CHODL: variants seen among roughly 807,000 people sequenced by gnomAD.
CHODL encodes the protein chondrolectin.
In CHODL, 29 loss-of-function variants were observed where a neutral mutation model predicts 34.5. The observed-to-expected ratio is 0.84, with a 90% CI of 0.63 to 1.15. The LOEUF is 1.15. Among genes scored for constraint, CHODL ranks in the 50% most tolerant of loss-of-function variants. The probability of loss-of-function intolerance (pLI) is 0.00; values close to 1 mark genes in which losing one functional copy is unlikely to be tolerated. For missense variants in CHODL, 332 were observed against 332.5 expected (o/e 1.00, Z 0.01); for synonymous variants, 125 against 116.1 (o/e 1.08, Z -0.49).
At chr21:18,066,488 A>G (rs1252053647) in intron 2 of CHODL, among the ~76,000 whole-genome samples, 1 of 152,228 alleles carries the variant, frequency 6.6e-6, no homozygotes, top group Non-Finnish European at 1.5e-5. Context: ...TGCATGAATA[A>G]GAGATCTTAT....
chr21:17,949,885 C>T (rs1165639792), intron 1 of CHODL, among the ~76,000 whole-genome samples: 1 of 152,008 alleles, frequency 6.6e-6, no homozygotes, highest in East Asian at 1.9e-4. Context: ...TGGAATATTT[C>T]CAGATAACAA....
At chr21:18,248,088 A>G (rs2074165921) in intron 1 of CHODL, among the ~76,000 whole-genome samples, 1 of 151,654 alleles carries the variant, frequency 6.6e-6, no homozygotes, top group Admixed American at 6.6e-5. Context: ...TGACATTAGG[A>G]ATATTTCATG....
intron 2 of CHODL, among the ~76,000 whole-genome samples, chr21:18,145,158 CG>C (rs1303669784): frequency 1.3e-5 from 2 of 150,892 alleles, no homozygotes; most frequent in Non-Finnish European, 3.0e-5. Context: ...GCATTTGGGC[CG>C]GGCGCGGTGG....
At position 18,265,308 on chromosome 21, in the gene CHODL, C is replaced by CATAT. The variant is rs1335747079; in HGVS notation, c.738-645_738-644insTATA. On this transcript the variant is annotated intron_variant, in intron 5 of 5. Coordinates refer to ENST00000299295, the MANE Select transcript of CHODL (RefSeq NM_024944.3). ...ATATATACACACACACACACACACA[C>CATAT]ACATATATATATATGATGGAATACT... Among the ~76,000 whole-genome samples the CATAT allele has an allele frequency of 1.6e-3, 203 of 123,370 alleles. 1 individual carries two copies. The highest frequency in any genetic ancestry group is 6.9e-3 in the African/African-American group (187 of 27,168). 80.9% of individuals were successfully genotyped at this position (123,370 alleles called of 152,430 possible).
chr21:18,111,806 C>T (rs1032299854), intron 2 of CHODL, among the ~76,000 whole-genome samples: 1 of 152,148 alleles, frequency 6.6e-6, no homozygotes, highest in Non-Finnish European at 1.5e-5. Flanking sequence ...TATATCTTAG[C>T]TTAGCCTATT....
At chr21:18,124,581 G>C (rs2146582621) in intron 2 of CHODL, among the ~76,000 whole-genome samples, 1 of 152,240 alleles carries the variant, frequency 6.6e-6, no homozygotes, top group Admixed American at 6.5e-5. Flanking sequence ...GACAATAGTA[G>C]GTTAAAATTT....
At chr21:18,153,748 T>TTA (rs60907444) in intron 2 of CHODL, among the ~76,000 whole-genome samples, 11 of 151,986 alleles carry the variant, frequency 7.2e-5, no homozygotes, top group African/African-American at 9.7e-5. Flanking sequence ...GGACTATGTT[T>TTA]TATATATATA....
At chr21:18,243,547 A>ATT (rs113607712), upstream of CHODL, among the ~76,000 whole-genome samples, 9,022 of 144,452 alleles carry the variant, frequency 0.062, 380 homozygotes, top group African/African-American at 0.12. Context: ...TTAGAATTCT[A>ATT]TTTTTTTTTT....
At position 18,256,869 on chromosome 21, in the gene CHODL, T is replaced by C. The variant is rs571397002; in HGVS notation, c.389+51T>C. On this transcript the variant is annotated intron_variant, in intron 2 of 5. Transcript: ENST00000299295. ...CAGGTGCTCTGGGGAACTCCAAAGA[T>C]AGAGGGAGGACTCTGTTACCTGTAG... is the stretch of plus-strand genomic sequence containing the variant. 5 of 1,587,390 alleles carry C rather than the reference T, an allele frequency of 3.1e-6. No individual in the cohort carries two copies. In the African/African-American group the frequency reaches 6.7e-5, roughly 21 times the overall value.
chr21:18,180,485 A>G (rs2073369054), intron 2 of CHODL, among the ~76,000 whole-genome samples: 1 of 152,194 alleles, frequency 6.6e-6, no homozygotes, highest in African/African-American at 2.4e-5. Flanking sequence ...ACTTTGAGAA[A>G]CTGCATGTTT....
Position 18,266,033 on chromosome 21 carries a change from G to T in CHODL, c.817G>T (p.Val273Leu), listed in dbSNP as rs763303055. ...TACCAGAAAAGAAAGTGGCATGGAAGTATAATAACTCATTGACTTGGTTCC... is the reference window on the plus strand; with the variant it reads ...TACCAGAAAAGAAAGTGGCATGGAATTATAATAACTCATTGACTTGGTTCC... ...KSTRKESGME[V>L] The change falls in exon 6 of 6, where the codon GTA becomes TTA. Residue 273 changes from valine (V) to leucine (L), a missense_variant. Val to Leu is a conservative substitution (Grantham distance 32). Transcript: ENST00000299295. 10 of 1,613,490 alleles carry T rather than the reference G, an allele frequency of 6.2e-6. No homozygotes were observed. The Admixed American group carries it at 6.7e-5, about 11-fold the overall frequency.
chr21:18,085,356 A>G (rs2064993432), intron 2 of CHODL, among the ~76,000 whole-genome samples: 1 of 151,678 alleles, frequency 6.6e-6, no homozygotes, highest in Non-Finnish European at 1.5e-5. Flanking sequence ...TTATAAATTC[A>G]TTTCTTTTTT....
intron 2 of CHODL, among the ~76,000 whole-genome samples, chr21:18,183,483 T>G (rs1373658719): frequency 6.6e-6 from 1 of 152,232 alleles, no homozygotes; most frequent in Non-Finnish European, 1.5e-5. Flanking sequence ...CTTGAGAAGC[T>G]GAATCTCAAA....
intron 1 of CHODL, among the ~76,000 whole-genome samples, chr21:17,988,914 A>G (rs532700008): frequency 9.9e-5 from 15 of 152,226 alleles, no homozygotes; most frequent in African/African-American, 3.1e-4. Flanking sequence ...GTATATACCC[A>G]GTAATGGGAT....
intron 1 of CHODL, among the ~76,000 whole-genome samples, chr21:17,975,262 C>A (rs1349296695): frequency 2.0e-5 from 3 of 152,000 alleles, no homozygotes; most frequent in African/African-American, 7.2e-5. Flanking sequence ...GAGCTAAACA[C>A]TGAGTACATA....
At chr21:17,985,236 T>TCTCG (rs1245277129) in intron 1 of CHODL, among the ~76,000 whole-genome samples, 1 of 152,190 alleles carries the variant, frequency 6.6e-6, no homozygotes, top group Non-Finnish European at 1.5e-5. Context: ...AACCTGTAGT[T>TCTCG]CTCGTCCCAT....
chr21:17,972,743 A>T (rs942504757), intron 1 of CHODL, among the ~76,000 whole-genome samples: 3 of 152,250 alleles, frequency 2.0e-5, no homozygotes, highest in Admixed American at 6.5e-5. Context: ...ATTCAATGCC[A>T]TCCCCATCAA....
chr21:18,032,939 A>G (rs1253834856), intron 2 of CHODL, among the ~76,000 whole-genome samples: 5 of 152,042 alleles, frequency 3.3e-5, no homozygotes. Context: ...AGTATTTAAA[A>G]CGTAGCAGTG....
intron 1 of CHODL, among the ~76,000 whole-genome samples, chr21:18,026,190 G>A (rs1600909125): frequency 6.6e-6 from 1 of 152,294 alleles, no homozygotes; most frequent in East Asian, 1.9e-4. Context: ...GATAAAACCA[G>A]TAAGTTGAGT....
Sources: allele counts gnomAD v4.1 joint callset (sites outside exome capture counted in the v4.1 genomes callset), GRCh38; gene constraint gnomAD v4.1.1; transcripts MANE v1.5; gene names NCBI Gene and HGNC (gene_info 2026-07-23, HGNC 2026-07-21).